The following TBXAS1 variants were observed in gnomAD, a reference collection of about 807,000 sequenced individuals.
The protein encoded by TBXAS1 is thromboxane A synthase 1.
TBXAS1 carries 48 observed loss-of-function variants against 60.7 expected under a neutral mutation model. That is an observed-to-expected ratio of 0.79 (90% confidence interval 0.63 to 1.01). The LOEUF is 1.01. Among genes scored for constraint, TBXAS1 ranks in the 50% least tolerant of loss-of-function variants. The pLI is 0.00. For synonymous variants in TBXAS1, 287 were observed against 269.7 expected, an observed-to-expected ratio of 1.06 and a Z score of -0.63; for missense variants, 685 against 686.3, an observed-to-expected ratio of 1.00 and a Z score of 0.02.
chr7:139,844,006 T>A (rs1181045270), intron 1 of TBXAS1, among the ~76,000 whole-genome samples: 1 of 152,258 alleles, frequency 6.6e-6, no homozygotes, highest in Non-Finnish European at 1.5e-5. Flanking sequence ...TTTTCTAGGC[T>A]GTGAGCTGGT....
In TBXAS1 at chr7:139,929,213, T is replaced by C. The variant is rs940838064; in HGVS notation, c.334-6978T>C. Reference sequence around the variant, plus strand: ...CTTTTTAATTCTCAGCAAGGCAAGTTACTTCTATAGAAGGGTGCGCCCTTA... The same window carrying C: ...CTTTTTAATTCTCAGCAAGGCAAGTCACTTCTATAGAAGGGTGCGCCCTTA... On this transcript the variant is annotated intron_variant, in intron 4 of 12. Transcript: ENST00000448866. Among the ~76,000 whole-genome samples, 7 of 152,362 alleles carry C rather than the reference T, an allele frequency of 4.6e-5. 1 individual carries two copies. The East Asian group carries it at 1.3e-3, about 29-fold the overall frequency.
intron 9 of TBXAS1, among the ~76,000 whole-genome samples, chr7:139,986,917 G>A (rs979557988): frequency 2.0e-5 from 3 of 151,642 alleles, no homozygotes; most frequent in Non-Finnish European, 2.9e-5. Context: ...ACCACTATGC[G>A]ATCTTGGCTC....
chr7:139,900,942 G>A (rs1027344203), intron 3 of TBXAS1, among the ~76,000 whole-genome samples: 20 of 152,326 alleles, frequency 1.3e-4, no homozygotes, highest in African/African-American at 4.8e-4. Context: ...TGAGATACTA[G>A]GATTGGCCAT....
chr7:140,005,816 G>A (rs1437617837), intron 9 of TBXAS1, among the ~76,000 whole-genome samples: 1 of 152,200 alleles, frequency 6.6e-6, no homozygotes, highest in Non-Finnish European at 1.5e-5. Context: ...GATTAGCTAC[G>A]ATACTGGCTA....
At chr7:139,825,903 G>A (rs901529421), upstream of TBXAS1, among the ~76,000 whole-genome samples, 4 of 152,188 alleles carry the variant, frequency 2.6e-5, no homozygotes, top group African/African-American at 9.7e-5. Context: ...TCGTGCTCTT[G>A]GAGATTTCCA....
intron 1 of TBXAS1, among the ~76,000 whole-genome samples, chr7:139,867,545 CG>C (rs1569504153): frequency 6.6e-6 from 1 of 152,126 alleles, no homozygotes; most frequent in African/African-American, 2.4e-5. Context: ...AGGCTGGGCA[CG>C]GTGGTTCACA....
At chr7:139,865,397 A>G (rs1055670193) in intron 1 of TBXAS1, among the ~76,000 whole-genome samples, 4 of 152,312 alleles carry the variant, frequency 2.6e-5, no homozygotes, top group Admixed American at 1.3e-4. Context: ...TAGCTAAGTC[A>G]ATGAAAACTA....
intron 5 of TBXAS1, among the ~76,000 whole-genome samples, chr7:139,952,011 AAAAAGAAAGG>A (rs1283972304): frequency 7.4e-6 from 1 of 134,554 alleles, no homozygotes; most frequent in Non-Finnish European, 1.7e-5. Context: ...AGAAAGAAAG[AAAAAGAAAGG>A]AAGGAAGGAG....
intron 3 of TBXAS1, among the ~76,000 whole-genome samples, chr7:139,887,986 C>T (rs564050543): frequency 2.0e-5 from 3 of 152,306 alleles, no homozygotes; most frequent in African/African-American, 7.2e-5. Flanking sequence ...GTTAAATTTA[C>T]ACTTCCCTTT....
intron 6 of TBXAS1, 66 bp from the exon 7 acceptor site, chr7:139,955,393 G>C (rs1252927999): frequency 3.1e-6 from 5 of 1,599,964 alleles, no homozygotes; most frequent in Non-Finnish European, 4.3e-6. Context: ...TCCTCCTCTG[G>C]AGGGGGCCAT....
chr7:139,853,984 A>C (rs894454949), intron 1 of TBXAS1, among the ~76,000 whole-genome samples: 10 of 152,124 alleles, frequency 6.6e-5, no homozygotes, highest in Non-Finnish European at 1.5e-4. Context: ...CTTGAGCAGA[A>C]AGCCGAAGAG....
Position 139,908,773 on chromosome 7 carries a change from C to T in TBXAS1, c.237-2452C>T, listed in dbSNP as rs190566023. Among the ~76,000 whole-genome samples, 54 of 152,284 alleles carry T rather than the reference C, an allele frequency of 3.5e-4. No homozygotes were observed. In the East Asian group the frequency reaches 0.01, roughly 28 times the overall value. On this transcript the variant is annotated intron_variant, in intron 3 of 12. Coordinates refer to ENST00000448866, the MANE Select transcript of TBXAS1 (RefSeq NM_001061.7). ...TATCCATTTCATTGTCCTTTCCTTT[C>T]TGAAGTTCCAAACTTTCTTCTGTTA... is the stretch of plus-strand genomic sequence containing the variant.
intron 1 of TBXAS1, among the ~76,000 whole-genome samples, chr7:139,834,629 A>G (rs1438672788): frequency 1.3e-5 from 2 of 152,234 alleles, no homozygotes. Context: ...GAGAAATGCA[A>G]CAGGAGGTAT....
intron 8 of TBXAS1, among the ~76,000 whole-genome samples, chr7:139,960,714 C>T (rs1200239735): frequency 6.6e-6 from 1 of 151,178 alleles, no homozygotes; most frequent in African/African-American, 2.4e-5. Context: ...CCATTGTACT[C>T]CAGCCTGGGT....
chr7:140,018,198 C>T (rs1319230782), intron 12 of TBXAS1, among the ~76,000 whole-genome samples: 1 of 152,192 alleles, frequency 6.6e-6, no homozygotes, highest in Non-Finnish European at 1.5e-5. Flanking sequence ...CAGACAATGG[C>T]ATTTGCAGTT....
rs1310066940 is a variant in TBXAS1 at position 140,004,142 on chromosome 7, G to A, written c.1135-2949G>A. On this transcript the variant is annotated intron_variant, in intron 9 of 12. Coordinates refer to ENST00000448866, the MANE Select transcript of TBXAS1 (RefSeq NM_001061.7). This position sits in a 1 kb window ranked among gnomAD's most constrained non-coding sequence, Gnocchi z 5.1. Reference sequence around the variant, plus strand: ...AAAACTTTTTTCTTTGTCCCAGATCGAAATTTCCAGACTGGCCCCTTTGGG... The same window carrying A: ...AAAACTTTTTTCTTTGTCCCAGATCAAAATTTCCAGACTGGCCCCTTTGGG... 2.0e-5 allele frequency among the ~76,000 whole-genome samples: 3 copies of A among 152,210 alleles called. No homozygotes were observed. The highest frequency in any genetic ancestry group is 3.8e-4 in the East Asian group (2 of 5,200).
intron 1 of TBXAS1, among the ~76,000 whole-genome samples, chr7:139,832,301 T>A (rs1798758842): frequency 6.6e-6 from 1 of 152,036 alleles, no homozygotes; most frequent in Non-Finnish European, 1.5e-5. Context: ...TTGGACACAC[T>A]TTTAGAAATG....
At chr7:139,833,421 G>A (rs1024373373) in intron 1 of TBXAS1, among the ~76,000 whole-genome samples, 5 of 149,360 alleles carry the variant, frequency 3.3e-5, no homozygotes, top group African/African-American at 1.2e-4. Flanking sequence ...GGTGGCTCAT[G>A]CCTGTAATCT....
chr7:139,934,884 C>G (rs956237053), intron 4 of TBXAS1, among the ~76,000 whole-genome samples: 3 of 152,196 alleles, frequency 2.0e-5, no homozygotes, highest in African/African-American at 7.2e-5. Context: ...GCAATCTCAG[C>G]TCACTGCAAC....
Sources: allele counts gnomAD v4.1 joint callset (sites outside exome capture counted in the v4.1 genomes callset), GRCh38; gene constraint gnomAD v4.1.1; non-coding constraint Gnocchi (gnomAD v3.1); transcripts MANE v1.5; gene names NCBI Gene and HGNC (gene_info 2026-07-23, HGNC 2026-07-21).